The following RORB variants were observed in gnomAD, a reference collection of about 807,000 sequenced individuals.
RORB encodes nuclear receptor ROR-beta.
A neutral mutation model predicts 59.1 loss-of-function variants in RORB; 6 were observed. That is an observed-to-expected ratio of 0.10 (90% CI 0.06 to 0.20). The LOEUF (loss-of-function observed/expected upper bound fraction) is 0.20, where lower values mean the gene tolerates loss of function less well. RORB is among the 10% of genes least tolerant of loss of function. RORB has a pLI of 1.00. For synonymous variants in RORB, 215 were observed against 204.5 expected (o/e 1.05, Z -0.44); for missense variants, 320 against 560.5 (o/e 0.57, Z 4.33).
At chr9:74,585,481 C>A (rs569903262) in intron 1 of RORB, among the ~76,000 whole-genome samples, 1 of 152,312 alleles carries the variant, frequency 6.6e-6, no homozygotes, top group South Asian at 2.1e-4. Flanking sequence ...ACAAATTATT[C>A]CGAAGTTGTC....
intron 1 of RORB, among the ~76,000 whole-genome samples, chr9:74,579,914 T>C (rs1296861296): frequency 2.0e-5 from 3 of 152,180 alleles, no homozygotes; most frequent in East Asian, 3.8e-4. Context: ...ATTTCAATTA[T>C]ATGCAGTTAA....
chr9:74,498,193 G>A (rs575458088), intron 1 of RORB: 4 of 613,608 alleles, frequency 6.5e-6, no homozygotes, highest in South Asian at 1.9e-5. Context: ...CTGGAGGGAC[G>A]CGGGAGGGCG....
chr9:74,521,715 C>T (rs1375619893), intron 1 of RORB, among the ~76,000 whole-genome samples: 1 of 151,712 alleles, frequency 6.6e-6, no homozygotes, highest in Admixed American at 6.6e-5. Context: ...CTCCTGATCT[C>T]GGATTGTCAC....
rs1824627970 is a variant in RORB at position 74,685,625 on chromosome 9, C to A, written c.*7C>A. Reference sequence around the variant, plus strand: ...TGCCACCGGCTGCAAATGAAGGGGACAAGAGAACTGTCTCATAGTCATGGA... The same window carrying A: ...TGCCACCGGCTGCAAATGAAGGGGAAAAGAGAACTGTCTCATAGTCATGGA... On this transcript the variant is annotated 3_prime_UTR_variant, in exon 10 of 10. Coordinates refer to ENST00000376896, the MANE Select transcript of RORB (RefSeq NM_006914.4). 1 of 1,581,662 alleles carries A rather than the reference C, an allele frequency of 6.3e-7. No homozygotes were observed. Among genetic ancestry groups the A allele is most frequent in the African/African-American group, 1.3e-5 (1 of 74,374 alleles).
At chr9:74,638,457 ATG>A (rs1823740756) in intron 3 of RORB, among the ~76,000 whole-genome samples, 1 of 152,228 alleles carries the variant, frequency 6.6e-6, no homozygotes, top group Non-Finnish European at 1.5e-5. Context: ...AGCACTTGCA[ATG>A]TATACAGAAT....
intron 1 of RORB, among the ~76,000 whole-genome samples, chr9:74,509,572 T>C (rs1204549189): frequency 6.6e-6 from 1 of 152,128 alleles, no homozygotes; most frequent in Non-Finnish European, 1.5e-5. Context: ...GCTTGTCAAT[T>C]CTTTCCTCTA....
rs1457563163 is a variant in RORB, at chr9:74,622,193, A to G, written c.8-8089A>G. 2.6e-5 allele frequency among the ~76,000 whole-genome samples: 4 copies of G among 152,254 alleles called. No individual in the cohort carries two copies. The East Asian group carries it at 7.7e-4, about 29-fold the overall frequency. ...TCAGTGAAGGTGATGCTGTGTAATC[A>G]CGAGCTTCCTGTTGAAGGTTTAAAC... On this transcript the variant is annotated intron_variant, in intron 1 of 9. Transcript: ENST00000376896.
chr9:74,511,991 C>T (rs1201968702), intron 1 of RORB, among the ~76,000 whole-genome samples: 2 of 151,452 alleles, frequency 1.3e-5, no homozygotes, highest in South Asian at 2.1e-4. Flanking sequence ...AAAGTGATAA[C>T]AATAATAAGA....
At chr9:74,657,014 T>G (rs985001734) in intron 4 of RORB, among the ~76,000 whole-genome samples, 2 of 152,108 alleles carry the variant, frequency 1.3e-5, no homozygotes, top group Non-Finnish European at 2.9e-5. Context: ...AAAACATTGC[T>G]TACTAGCTCC....
chr9:74,615,513 G>T (rs1823297756), intron 1 of RORB: 4 of 368,984 alleles, frequency 1.1e-5, no homozygotes, highest in South Asian at 7.9e-5. Context: ...TGGGATTGAA[G>T]TTGTGGGTTA....
intron 1 of RORB, among the ~76,000 whole-genome samples, chr9:74,605,170 ATGTATTAATGATGATAAG>A (rs1300468640): frequency 1.3e-5 from 2 of 152,348 alleles, no homozygotes; most frequent in African/African-American, 4.8e-5. Context: ...AGTATAGCAT[ATGTATTAATGATGATAAG>A]TAAAAATGGT....
intron 1 of RORB, among the ~76,000 whole-genome samples, chr9:74,616,704 A>T (rs1297941169): frequency 2.0e-5 from 3 of 152,172 alleles, no homozygotes; most frequent in Non-Finnish European, 4.4e-5. Flanking sequence ...GAATCACAAT[A>T]AGCAGGGGCT....
At chr9:74,503,748 G>C (rs1282043861) in intron 1 of RORB, among the ~76,000 whole-genome samples, 1 of 151,960 alleles carries the variant, frequency 6.6e-6, no homozygotes. Context: ...TGTAGCGCAA[G>C]ACAAAGGAAG....
At chr9:74,561,327 A>C (rs77346225) in intron 1 of RORB, among the ~76,000 whole-genome samples, 1,892 of 152,290 alleles carry the variant, frequency 0.012, 30 homozygotes, top group African/African-American at 0.043. Flanking sequence ...TTAATAAAGA[A>C]ATACATTCCC....
intron 1 of RORB, among the ~76,000 whole-genome samples, chr9:74,561,830 T>C (rs1260627967): frequency 6.6e-6 from 1 of 152,236 alleles, no homozygotes; most frequent in Non-Finnish European, 1.5e-5. Context: ...GAATTCCATG[T>C]GCATTTAGTT....
At chr9:74,511,296 C>T (rs1356552337) in intron 1 of RORB, among the ~76,000 whole-genome samples, 1 of 151,598 alleles carries the variant, frequency 6.6e-6, no homozygotes, top group Non-Finnish European at 1.5e-5. Context: ...TAAAGACTAA[C>T]AAAAAATAAG....
intron 1 of RORB, among the ~76,000 whole-genome samples, chr9:74,606,417 C>A (rs995972746): frequency 6.6e-6 from 1 of 152,184 alleles, no homozygotes; most frequent in African/African-American, 2.4e-5. Context: ...GTTTTATATT[C>A]CACATTTGTT....
intron 1 of RORB, among the ~76,000 whole-genome samples, chr9:74,608,670 A>C (rs1823187641): frequency 8.1e-6 from 1 of 123,504 alleles, no homozygotes. Flanking sequence ...ACTGTTGGGA[A>C]AATACTTAAA....
At chr9:74,541,606 G>C (rs969831075) in intron 1 of RORB, among the ~76,000 whole-genome samples, 2 of 151,992 alleles carry the variant, frequency 1.3e-5, no homozygotes, top group African/African-American at 4.8e-5. Flanking sequence ...TGTCGTTCTG[G>C]GAACAGGGCT....
Sources: allele counts gnomAD v4.1 joint callset (sites outside exome capture counted in the v4.1 genomes callset), GRCh38; gene constraint gnomAD v4.1.1; transcripts MANE v1.5; gene names NCBI Gene and HGNC (gene_info 2026-07-23, HGNC 2026-07-21).